The following MYO1E variants were observed in gnomAD, a reference collection of about 807,000 sequenced individuals.
MYO1E encodes the protein myosin IE, also known as unconventional myosin-Ie.
Under a neutral mutation model 151.1 loss-of-function variants are expected in MYO1E, and 68 were observed. That is an observed-to-expected ratio of 0.45 (90% confidence interval 0.37 to 0.55). The LOEUF is 0.55. Among genes scored for constraint, MYO1E ranks in the 20% least tolerant of loss-of-function variants. The pLI is 0.00. For missense variants in MYO1E, 1,363 were observed against 1,389.3 expected (o/e 0.98, Z 0.30); for synonymous variants, 601 against 501.7 (o/e 1.20, Z -2.64).
chr15:59,322,194 A>T lies in MYO1E; in HGVS notation c.4-49745T>A, dbSNP rs1250081980. On this transcript the variant is annotated intron_variant, in intron 1 of 27. Transcript: ENST00000288235. ...TGTCTCAAAAATTAAAAAAAAAAAA[A>T]ATAGAAAGAAAAGAAAAACTAACTA... Among the ~76,000 whole-genome samples the T allele has an allele frequency of 2.0e-5, 3 of 151,892 alleles. No homozygotes were observed. The East Asian group carries it at 5.8e-4, about 29-fold the overall frequency.
intron 19 of MYO1E, 131 bp from the exon 20 acceptor site, chr15:59,174,371 AAC>A (rs1450146218): frequency 4.1e-6 from 3 of 725,462 alleles, no homozygotes; most frequent in Non-Finnish European, 7.5e-6. Context: ...CTGATTCATG[AAC>A]GAATATGTGA....
chr15:59,260,054 T>C (rs970181255), intron 3 of MYO1E, among the ~76,000 whole-genome samples: 5 of 152,270 alleles, frequency 3.3e-5, no homozygotes, highest in African/African-American at 4.8e-5. Flanking sequence ...TCTGTTACTA[T>C]TAGCAGTAAA....
rs940909184 is a variant in MYO1E at position 59,202,225 on chromosome 15, C to T, written c.1698+101G>A. 1.3e-4 allele frequency: 133 copies of T among 989,364 alleles called. 3 individuals carry two copies. In the East Asian group the frequency reaches 3.1e-3, roughly 23 times the overall value. 61.3% of individuals were successfully genotyped at this position (989,364 alleles called of 1,614,324 possible). On this transcript the variant is annotated intron_variant, in intron 16 of 27. Transcript: ENST00000288235. Reference sequence around the variant, plus strand: ...TGGGCATCTTCTGTAACCACCTCCTCACGTCTCACTGACCTCATCCTGGCC... The same window carrying T: ...TGGGCATCTTCTGTAACCACCTCCTTACGTCTCACTGACCTCATCCTGGCC...
intron 10 of MYO1E, among the ~76,000 whole-genome samples, chr15:59,217,140 A>G (rs915365489): frequency 5.7e-4 from 87 of 152,146 alleles, no homozygotes; most frequent in African/African-American, 2.1e-3. Context: ...TTGAGTCAGA[A>G]CCACCAAGCT....
chr15:59,278,746 T>C (rs2080336177), intron 1 of MYO1E, among the ~76,000 whole-genome samples: 2 of 152,192 alleles, frequency 1.3e-5, no homozygotes, highest in Non-Finnish European at 2.9e-5. Context: ...GGGTAGTCAG[T>C]AGCCAACAAC....
intron 1 of MYO1E, among the ~76,000 whole-genome samples, chr15:59,295,086 C>T (rs2080441181): frequency 6.6e-6 from 1 of 152,150 alleles, no homozygotes; most frequent in South Asian, 2.1e-4. Context: ...CTGAACTCTC[C>T]TTGTCCTAAT....
At chr15:59,303,028 C>T (rs2080492287) in intron 1 of MYO1E, among the ~76,000 whole-genome samples, 1 of 152,156 alleles carries the variant, frequency 6.6e-6, no homozygotes, top group African/African-American at 2.4e-5. Context: ...CTCCAAGCCA[C>T]CTACATATTA....
At chr15:59,328,770 A>T (rs2080681658) in intron 1 of MYO1E, among the ~76,000 whole-genome samples, 1 of 152,138 alleles carries the variant, frequency 6.6e-6, no homozygotes, top group African/African-American at 2.4e-5. Context: ...AGAGTTAAGC[A>T]TTTAGGGCAT....
chr15:59,215,844 A>G (rs2079910415), intron 10 of MYO1E, among the ~76,000 whole-genome samples: 2 of 152,188 alleles, frequency 1.3e-5, no homozygotes, highest in Admixed American at 6.5e-5. Context: ...CTGAACAAAG[A>G]GAAAAGAGAT....
intron 19 of MYO1E, among the ~76,000 whole-genome samples, chr15:59,177,384 G>A (rs117988677): frequency 0.013 from 2,015 of 152,238 alleles, 72 homozygotes; most frequent in East Asian, 0.05. Flanking sequence ...CAGTGGCTAT[G>A]GGGCCCACCT....
chr15:59,372,092 G>A (rs2080949223), intron 1 of MYO1E, among the ~76,000 whole-genome samples: 1 of 150,060 alleles, frequency 6.7e-6, no homozygotes. Flanking sequence ...GGGGAGGGCA[G>A]GGGACGCCGC....
At chr15:59,153,923 A>G in intron 25 of MYO1E, 132 bp from the exon 26 acceptor site, 1 of 829,352 alleles carries the variant, frequency 1.2e-6, no homozygotes, top group South Asian at 1.5e-5. Flanking sequence ...GCATTTGAAA[A>G]AAATGGAAGG....
In MYO1E at chr15:59,134,608, A is replaced by C. The variant is rs1256395468; in HGVS notation, c.*2772T>G. On this transcript the variant is annotated 3_prime_UTR_variant, in exon 28 of 28. Transcript: ENST00000288235. Reference sequence around the variant, plus strand: ...TGAACACCTCTACCCTAGGGTACACAGTCAGGCCTTCTCATTTAGTTCCTG... The same window carrying C: ...TGAACACCTCTACCCTAGGGTACACCGTCAGGCCTTCTCATTTAGTTCCTG... The C allele has an allele frequency of 1.3e-5, 2 of 152,222 alleles. No homozygotes were observed. Among genetic ancestry groups the C allele is most frequent in the African/African-American group, 4.8e-5 (2 of 41,428 alleles). The allele number at this position is 152,222 out of a possible 1,614,324, so 9.4% of individuals were successfully genotyped here.
intron 1 of MYO1E, among the ~76,000 whole-genome samples, chr15:59,322,527 G>A (rs1341420840): frequency 1.3e-5 from 2 of 152,198 alleles, no homozygotes; most frequent in Admixed American, 6.5e-5. Flanking sequence ...CAGATCATAT[G>A]AGTGTTTAGT....
At chr15:59,171,454 T>G (rs530778944) in intron 22 of MYO1E, among the ~76,000 whole-genome samples, 3 of 152,194 alleles carry the variant, frequency 2.0e-5, no homozygotes, top group Admixed American at 2.0e-4. Flanking sequence ...GAGACCAACT[T>G]GCACTCCCTA....
intron 2 of MYO1E, among the ~76,000 whole-genome samples, chr15:59,266,362 G>C (rs2080253324): frequency 6.6e-6 from 1 of 151,974 alleles, no homozygotes; most frequent in Non-Finnish European, 1.5e-5. Flanking sequence ...CCAAAAAACA[G>C]AAGGAAAAAA....
chr15:59,152,486 C>T (rs887515436), intron 26 of MYO1E, among the ~76,000 whole-genome samples: 12 of 152,150 alleles, frequency 7.9e-5, no homozygotes, highest in African/African-American at 2.7e-4. Flanking sequence ...CATGGAGAGT[C>T]GTGCAGAGCT....
chr15:59,216,607 T>TATC (rs1165987629), intron 10 of MYO1E, among the ~76,000 whole-genome samples: 4 of 125,708 alleles, frequency 3.2e-5, no homozygotes, highest in Non-Finnish European at 1.7e-5. Context: ...TCTATCTATC[T>TATC]ATCTATCTAT....
chr15:59,289,547 T>C (rs74020349), intron 1 of MYO1E, among the ~76,000 whole-genome samples: 4,267 of 152,270 alleles, frequency 0.028, 214 homozygotes, highest in African/African-American at 0.098. Context: ...CCAGAACCCC[T>C]TGTCATCCAC....
Sources: allele counts gnomAD v4.1 joint callset (sites outside exome capture counted in the v4.1 genomes callset), GRCh38; gene constraint gnomAD v4.1.1; transcripts MANE v1.5; gene names NCBI Gene and HGNC (gene_info 2026-07-23, HGNC 2026-07-21).